The following LMO1 variants were observed in gnomAD, a reference collection of about 807,000 sequenced individuals.
LMO1 encodes rhombotin-1.
In LMO1, 10 loss-of-function variants were observed where a neutral mutation model predicts 18.0. The ratio of observed to expected loss-of-function variants is 0.55; its 90% CI spans 0.34 to 0.94. The LOEUF (loss-of-function observed/expected upper bound fraction) is 0.94. LMO1 is among the 40% of genes least tolerant of loss of function. The probability of loss-of-function intolerance (pLI) is 0.02; values close to 1 mark genes in which losing one functional copy is unlikely to be tolerated. For missense variants in LMO1, 183 were observed against 205.7 expected (o/e 0.89, Z 0.68); for synonymous variants, 77 against 77.9 (o/e 0.99, Z 0.06).
intron 3 of LMO1, 86 bp from the exon 4 acceptor site, chr11:8,224,807 T>A: frequency 2.4e-6 from 2 of 830,720 alleles, no homozygotes; most frequent in Non-Finnish European, 4.0e-6. Context: ...GCCTGGCCTA[T>A]GAGGTGAGCT....
At position 8,252,455 on chromosome 11, in the gene LMO1, A is replaced by G. The variant is rs185826721; in HGVS notation, c.25+10883T>C. ...GTCCCCAGTGATCCTGCCTCCTGGCACTCACACCCTTGTATCATCTGCCCC... is the reference window on the plus strand; with the variant it reads ...GTCCCCAGTGATCCTGCCTCCTGGCGCTCACACCCTTGTATCATCTGCCCC... On this transcript the variant is annotated intron_variant, in intron 1 of 3. Transcript: ENST00000335790. Among the ~76,000 whole-genome samples, 13 of 152,304 alleles carry G rather than the reference A, an allele frequency of 8.5e-5. No homozygotes were observed. The East Asian group carries it at 2.5e-3, about 29-fold the overall frequency.
chr11:8,249,094 G>A (rs773130881), intron 1 of LMO1, among the ~76,000 whole-genome samples: 1 of 152,202 alleles, frequency 6.6e-6, no homozygotes, highest in Non-Finnish European at 1.5e-5. Flanking sequence ...ACGGGGAGCT[G>A]AGCAGCTCCA....
intron 2 of LMO1, among the ~76,000 whole-genome samples, chr11:8,229,995 G>T (rs1418509136): frequency 6.6e-6 from 1 of 152,238 alleles, no homozygotes; most frequent in East Asian, 1.9e-4. Context: ...CCTGGCCAAG[G>T]CAGGGGGGCG....
intron 1 of LMO1, among the ~76,000 whole-genome samples, chr11:8,255,998 T>G (rs1847090915): frequency 1.3e-5 from 2 of 152,040 alleles, no homozygotes; most frequent in South Asian, 4.2e-4. Flanking sequence ...GCTAATTTTT[T>G]GTATTTTTGG....
chr11:8,261,948 C>T (rs1847193063), intron 1 of LMO1, among the ~76,000 whole-genome samples: 1 of 152,150 alleles, frequency 6.6e-6, no homozygotes, highest in South Asian at 2.1e-4. Flanking sequence ...ATACTGAGAG[C>T]CACAGGTCCT....
intron 1 of LMO1, among the ~76,000 whole-genome samples, chr11:8,238,587 C>T (rs985255331): frequency 2.1e-5 from 3 of 144,408 alleles, no homozygotes; most frequent in Admixed American, 1.5e-4. Context: ...AGGAGAATGG[C>T]GTGAACCTGG....
intron 1 of LMO1, among the ~76,000 whole-genome samples, chr11:8,256,260 A>C (rs11041830): frequency 0.48 from 72,866 of 152,130 alleles, 17,904 homozygotes; most frequent in Middle Eastern, 0.63. Context: ...CAAGCATGAA[A>C]CTTTCTGGTT....
In LMO1 at chr11:8,263,413, C is replaced by G. The variant is rs1165727563; in HGVS notation, c.-51G>C. ...GCTAGGCTCGGCCGGGAGAAGGGCG[C>G]CGACTCGGGGCGCGCTTTGGAGGGG... On this transcript the variant is annotated 5_prime_UTR_variant, in exon 1 of 4. Transcript: ENST00000335790. 1.6e-5 allele frequency: 26 copies of G among 1,591,676 alleles called. No homozygotes were observed. The highest frequency in any genetic ancestry group is 2.1e-5 in the Non-Finnish European group (25 of 1,173,920).
intron 1 of LMO1, among the ~76,000 whole-genome samples, chr11:8,254,771 C>T (rs1035799865): frequency 4.6e-5 from 7 of 152,180 alleles, no homozygotes; most frequent in Non-Finnish European, 8.8e-5. Flanking sequence ...TCCATCCCCA[C>T]GTCTGACAGC....
At chr11:8,239,602 G>A (rs1433003493) in intron 1 of LMO1, among the ~76,000 whole-genome samples, 3 of 152,054 alleles carry the variant, frequency 2.0e-5, no homozygotes, top group East Asian at 1.9e-4. Context: ...GATGGCAGGA[G>A]CCTCAACCAA....
At chr11:8,234,173 G>GT (rs1176288289) in intron 1 of LMO1, among the ~76,000 whole-genome samples, 1 of 152,130 alleles carries the variant, frequency 6.6e-6, no homozygotes, top group Non-Finnish European at 1.5e-5. Context: ...CTAGCAGGGG[G>GT]TGGAGGCAGG....
chr11:8,252,903 G>A (rs1345025375), intron 1 of LMO1, among the ~76,000 whole-genome samples: 1 of 152,258 alleles, frequency 6.6e-6, no homozygotes, highest in Non-Finnish European at 1.5e-5. Context: ...ATTTTGGAAT[G>A]TGTGTTGGAA....
At chr11:8,265,026 C>T (rs777340226), upstream of LMO1, among the ~76,000 whole-genome samples, 15 of 152,190 alleles carry the variant, frequency 9.9e-5, no homozygotes, top group Non-Finnish European at 1.9e-4. Context: ...TTCTTCAGCC[C>T]AAGGAGGGCT....
At chr11:8,264,752 C>T (rs1183651433), upstream of LMO1, among the ~76,000 whole-genome samples, 1 of 152,180 alleles carries the variant, frequency 6.6e-6, no homozygotes. Flanking sequence ...CTGCCTCAGC[C>T]TTCCGAGTAG....
chr11:8,227,849 A>G (rs1343386885), intron 2 of LMO1, among the ~76,000 whole-genome samples: 1 of 152,172 alleles, frequency 6.6e-6, no homozygotes, highest in African/African-American at 2.4e-5. Context: ...GATTTTTAAA[A>G]ATAGAGATGG....
At chr11:8,225,911 C>A (rs1314443163) in intron 3 of LMO1, among the ~76,000 whole-genome samples, 1 of 152,244 alleles carries the variant, frequency 6.6e-6, no homozygotes, top group Non-Finnish European at 1.5e-5. Context: ...AGAGCGCCTG[C>A]CTTCTGGTGC....
chr11:8,251,786 G>A (rs1344191201), intron 1 of LMO1, among the ~76,000 whole-genome samples: 1 of 151,184 alleles, frequency 6.6e-6, no homozygotes, highest in African/African-American at 2.4e-5. Flanking sequence ...GAGGGGTGGA[G>A]GGGTGTGGAG....
chr11:8,239,298 C>T (rs1413304333), intron 1 of LMO1, among the ~76,000 whole-genome samples: 1 of 152,196 alleles, frequency 6.6e-6, no homozygotes, highest in Non-Finnish European at 1.5e-5. Context: ...GAATGACTGT[C>T]CATGCAGGGC....
intron 2 of LMO1, 126 bp from the exon 3 acceptor site, chr11:8,227,226 G>C: frequency 1.4e-6 from 2 of 1,469,000 alleles, no homozygotes; most frequent in Non-Finnish European, 1.8e-6. Context: ...GGTGGGCTCA[G>C]GCAATAGGAT....
Sources: gnomAD v4.1 joint callset for allele counts (sites outside exome capture counted in the v4.1 genomes callset) on GRCh38, gnomAD v4.1.1 for gene constraint, MANE v1.5 for transcripts, NCBI Gene and HGNC (gene_info 2026-07-23, HGNC 2026-07-21) for gene names.